The following INSC variants were observed in gnomAD, a reference collection of about 807,000 sequenced individuals.
INSC encodes the protein protein inscuteable homolog.
A neutral mutation model predicts 58.6 loss-of-function variants in INSC; 67 were observed. The observed-to-expected ratio is 1.14, with a 90% CI of 0.94 to 1.40. The LOEUF (loss-of-function observed/expected upper bound fraction) is 1.40, where lower values mean the gene tolerates loss of function less well. INSC is among the 40% of genes most tolerant of loss of function. The pLI is 0.00. For missense variants in INSC, 714 were observed against 692.0 expected (o/e 1.03, Z -0.36); for synonymous variants, 262 against 276.1 (o/e 0.95, Z 0.51).
At chr11:15,119,992 C>T (rs549233320) in intron 1 of INSC, among the ~76,000 whole-genome samples, 20 of 152,268 alleles carry the variant, frequency 1.3e-4, no homozygotes, top group East Asian at 3.9e-4. Flanking sequence ...GAAAGAACAC[C>T]GGCCTAATTG....
At chr11:15,200,021 C>G (rs749948789) in intron 6 of INSC, among the ~76,000 whole-genome samples, 3 of 152,138 alleles carry the variant, frequency 2.0e-5, no homozygotes, top group Non-Finnish European at 2.9e-5. Context: ...ACAATGAGCT[C>G]TGCACTCCCA....
At chr11:15,174,351 A>G (rs1849503621) in intron 2 of INSC, among the ~76,000 whole-genome samples, 1 of 151,792 alleles carries the variant, frequency 6.6e-6, no homozygotes, top group Non-Finnish European at 1.5e-5. Context: ...AGCACTCTCT[A>G]GTCTTTTTTT....
At chr11:15,177,302 C>A in intron 4 of INSC, 139 bp downstream of exon 4, 1 of 696,696 alleles carries the variant, frequency 1.4e-6, no homozygotes, top group Admixed American at 2.6e-5. Context: ...TGACTTTTAT[C>A]AGAAATCTTA....
At chr11:15,127,653 C>A (rs1224737334) in intron 1 of INSC, among the ~76,000 whole-genome samples, 2 of 152,158 alleles carry the variant, frequency 1.3e-5, no homozygotes, top group Admixed American at 1.3e-4. Context: ...TCATTGCGTT[C>A]CATGTTCCTC....
chr11:15,167,307 A>G (rs1420007834), intron 2 of INSC, among the ~76,000 whole-genome samples: 1 of 152,048 alleles, frequency 6.6e-6, no homozygotes, highest in Non-Finnish European at 1.5e-5. Flanking sequence ...CACCTGCTTG[A>G]TGGGCCTGGG....
intron 7 of INSC, among the ~76,000 whole-genome samples, chr11:15,217,872 A>T (rs1006276785): frequency 6.6e-6 from 1 of 152,210 alleles, no homozygotes; most frequent in East Asian, 1.9e-4. Flanking sequence ...AAAATTTAAA[A>T]ATCTGCCAAT....
chr11:15,218,622 A>G (rs1294377944), intron 7 of INSC, among the ~76,000 whole-genome samples: 1 of 152,172 alleles, frequency 6.6e-6, no homozygotes, highest in East Asian at 1.9e-4. Context: ...ATGAGTTACC[A>G]AAAGAGATCT....
chr11:15,189,743 C>T (rs1850097040), intron 5 of INSC, among the ~76,000 whole-genome samples: 1 of 152,210 alleles, frequency 6.6e-6, no homozygotes, highest in Non-Finnish European at 1.5e-5. Flanking sequence ...TTGCATGAGG[C>T]CCTCGAAGGT....
chr11:15,128,151 T>C (rs1427529309), intron 1 of INSC, among the ~76,000 whole-genome samples: 1 of 152,228 alleles, frequency 6.6e-6, no homozygotes, highest in African/African-American at 2.4e-5. Flanking sequence ...AGAACCTTTT[T>C]TGTATAACAT....
the INSC span, among the ~76,000 whole-genome samples, chr11:15,255,994 G>A: frequency 6.6e-6 from 1 of 152,070 alleles, no homozygotes; most frequent in Non-Finnish European, 1.5e-5. Context: ...GATTGATTCA[G>A]TCCCACTGCA....
At chr11:15,219,090 T>C (rs1289128574) in intron 7 of INSC, among the ~76,000 whole-genome samples, 1 of 152,114 alleles carries the variant, frequency 6.6e-6, no homozygotes, top group Non-Finnish European at 1.5e-5. Flanking sequence ...TTCTCTGAAT[T>C]GCTGGCACAT....
intron 1 of INSC, among the ~76,000 whole-genome samples, chr11:15,140,070 T>A (rs1848332203): frequency 6.6e-6 from 1 of 152,146 alleles, no homozygotes; most frequent in Non-Finnish European, 1.5e-5. Context: ...AGCTTTCCTC[T>A]GAGATGGCCA....
intron 7 of INSC, among the ~76,000 whole-genome samples, chr11:15,209,770 G>A (rs898745123): frequency 2.6e-5 from 4 of 151,986 alleles, no homozygotes; most frequent in African/African-American, 7.3e-5. Context: ...GAAATGATGT[G>A]CACACCCACA....
In INSC at chr11:15,240,458, C is replaced by T. The variant is rs1171610072; in HGVS notation, c.1405C>T (p.Leu469Phe). ...TGTGTCTCCTACAGGCATGTCCCGT[C>T]TCATCGAGCTCTGCAGATCCCCATC... ...EAVRLSCMSR[L>F]IELCRSPSER... The change falls in exon 12 of 13, where the codon CTC becomes TTC. Residue 469 changes from leucine to phenylalanine, a missense_variant. Coordinates refer to ENST00000379556, the MANE Select transcript of INSC (RefSeq NM_001042536.3). 6 of 1,613,806 alleles carry T rather than the reference C, an allele frequency of 3.7e-6. No individual in the cohort carries two copies. Among genetic ancestry groups the T allele is most frequent in the Non-Finnish European group, 5.1e-6 (6 of 1,179,922 alleles).
At chr11:15,123,109 C>T (rs1006551731) in intron 1 of INSC, among the ~76,000 whole-genome samples, 1 of 152,140 alleles carries the variant, frequency 6.6e-6, no homozygotes, top group Non-Finnish European at 1.5e-5. Flanking sequence ...TGTTCCTCTG[C>T]TTAGAATGCT....
In INSC at chr11:15,230,007, A is replaced by ATTT. The variant is rs1421355624; in HGVS notation, c.1170+4180_1170+4181insTTT. Among the ~76,000 whole-genome samples the ATTT allele has an allele frequency of 3.8e-4, 10 of 26,392 alleles. 1 individual carries two copies. Among genetic ancestry groups the ATTT allele is most frequent in the African/African-American group, 1.7e-3 (10 of 6,028 alleles). 17.3% of individuals were successfully genotyped at this position (26,392 alleles called of 152,430 possible). A position where few individuals can be genotyped will look rare whatever the true frequency, so the allele number is the denominator to read the frequency against. ...TATATATATATATATATATATATAT[A>ATTT]TATATAATATATATATATATATATA... On this transcript the variant is annotated intron_variant, in intron 9 of 12. Transcript: ENST00000379556.
At chr11:15,194,518 A>G (rs553128517) in intron 6 of INSC, among the ~76,000 whole-genome samples, 3 of 152,238 alleles carry the variant, frequency 2.0e-5, no homozygotes, top group Non-Finnish European at 4.4e-5. Context: ...AAGCCCTTAA[A>G]GCAATCTTAA....
intron 1 of INSC, among the ~76,000 whole-genome samples, chr11:15,135,699 A>G (rs1275042518): frequency 6.6e-6 from 1 of 152,206 alleles, no homozygotes; most frequent in Non-Finnish European, 1.5e-5. Flanking sequence ...ATCACAGAAA[A>G]TGTCTTAGTG....
intron 9 of INSC, among the ~76,000 whole-genome samples, chr11:15,230,518 C>T (rs2133958142): frequency 6.6e-6 from 1 of 152,296 alleles, no homozygotes; most frequent in Admixed American, 6.5e-5. Context: ...CACCTCCCAC[C>T]AGGCTCCACC....
Sources: allele counts gnomAD v4.1 joint callset (sites outside exome capture counted in the v4.1 genomes callset), GRCh38; gene constraint gnomAD v4.1.1; transcripts MANE v1.5; gene names NCBI Gene and HGNC (gene_info 2026-07-23, HGNC 2026-07-21).